FSTL4: variants seen among roughly 807,000 people sequenced by gnomAD.
FSTL4 encodes follistatin-related protein 4.
A neutral mutation model predicts 78.2 loss-of-function variants in FSTL4; 28 were observed. That is an observed-to-expected ratio of 0.36 (90% CI 0.27 to 0.49). FSTL4 has a LOEUF of 0.49. FSTL4 is among the 20% of genes least tolerant of loss of function. The probability of loss-of-function intolerance (pLI) is 0.98; values close to 1 mark genes in which losing one functional copy is unlikely to be tolerated. For synonymous variants in FSTL4, 422 were observed against 440.5 expected (o/e 0.96, Z 0.53); for missense variants, 922 against 1,084.9 (o/e 0.85, Z 2.11).
At chr5:133,239,243 C>G (rs1751758472) in intron 7 of FSTL4, among the ~76,000 whole-genome samples, 1 of 142,300 alleles carries the variant, frequency 7.0e-6, no homozygotes, top group African/African-American at 2.5e-5. Context: ...ACCCCCCTCC[C>G]TGCCAACGTG....
chr5:133,549,436 T>C (rs1196012990), intron 3 of FSTL4, among the ~76,000 whole-genome samples: 4 of 152,172 alleles, frequency 2.6e-5, no homozygotes, highest in Admixed American at 6.5e-5. Flanking sequence ...ATCAAGATAG[T>C]TTCTATAGGT....
intron 3 of FSTL4, among the ~76,000 whole-genome samples, chr5:133,515,440 A>T (rs1387658624): frequency 3.9e-5 from 6 of 152,074 alleles, no homozygotes; most frequent in African/African-American, 1.2e-4. Context: ...TTTAAAGGTA[A>T]CCTATGGGAG....
At chr5:133,568,261 C>T (rs1760073089) in intron 2 of FSTL4, among the ~76,000 whole-genome samples, 1 of 152,008 alleles carries the variant, frequency 6.6e-6, no homozygotes, top group South Asian at 2.1e-4. Context: ...GATAAAAAGC[C>T]TAAGGTTAAA....
chr5:133,210,982 A>G (rs1750691906), intron 13 of FSTL4: 1 of 152,218 alleles, frequency 6.6e-6, no homozygotes, highest in African/African-American at 2.4e-5. Context: ...TCTGTGGCCT[A>G]GATTCTGGTG....
intron 11 of FSTL4, among the ~76,000 whole-genome samples, chr5:133,221,925 T>TTTTTTTC (rs1751146626): frequency 7.1e-6 from 1 of 140,140 alleles, no homozygotes; most frequent in African/African-American, 2.7e-5. Flanking sequence ...TTTTTTTTTT[T>TTTTTTTC]TTAGCATGCT....
chr5:133,424,344 G>C (rs973597872), intron 3 of FSTL4, among the ~76,000 whole-genome samples: 2 of 152,282 alleles, frequency 1.3e-5, no homozygotes, highest in South Asian at 2.1e-4. Context: ...TCCTGGGACC[G>C]GCTGACAATT....
intron 2 of FSTL4, among the ~76,000 whole-genome samples, chr5:133,595,541 C>T (rs923516862): frequency 1.3e-5 from 2 of 152,222 alleles, no homozygotes; most frequent in African/African-American, 4.8e-5. Flanking sequence ...AGGACCCTCC[C>T]ACTCTGAGGG....
intron 3 of FSTL4, among the ~76,000 whole-genome samples, chr5:133,530,696 C>G (rs1759232964): frequency 6.6e-6 from 1 of 152,200 alleles, no homozygotes; most frequent in South Asian, 2.1e-4. Flanking sequence ...TTAGGTGGAC[C>G]TATGGCCAGG....
At chr5:133,665,514 CTCTG>C in the FSTL4 span, among the ~76,000 whole-genome samples, 1 of 152,166 alleles carries the variant, frequency 6.6e-6, no homozygotes, top group Non-Finnish European at 1.5e-5. Context: ...CCCGACATGC[CTCTG>C]CCACGGTGCT....
At chr5:133,821,656 G>A in the FSTL4 span, among the ~76,000 whole-genome samples, 1 of 152,176 alleles carries the variant, frequency 6.6e-6, no homozygotes, top group Non-Finnish European at 1.5e-5. Flanking sequence ...TGTGGGGACA[G>A]GGAAGAGGGC....
At chr5:133,224,982 C>T (rs536374850) in intron 10 of FSTL4, among the ~76,000 whole-genome samples, 168 bp downstream of exon 10, 1 of 152,314 alleles carries the variant, frequency 6.6e-6, no homozygotes, top group East Asian at 1.9e-4. Context: ...GCCTGCTCAC[C>T]TCTGGGTGCC....
chr5:133,719,631 C>G, the FSTL4 span, among the ~76,000 whole-genome samples: 1 of 148,082 alleles, frequency 6.8e-6, no homozygotes, highest in Non-Finnish European at 1.5e-5. Context: ...CAAGATCACG[C>G]CATTGCACTC....
chr5:133,423,455 A>G (rs1183858287), intron 3 of FSTL4, among the ~76,000 whole-genome samples: 1 of 152,196 alleles, frequency 6.6e-6, no homozygotes, highest in Non-Finnish European at 1.5e-5. Flanking sequence ...AGAGGCCCTC[A>G]GCCTCCCTCC....
At position 133,249,481 on chromosome 5, in the gene FSTL4, C is replaced by A. The variant is rs753008047; in HGVS notation, c.823G>T (p.Asp275Tyr). Reference sequence around the variant, plus strand: ...TTCCAGATGATTGGTGGCCTCAGGTCTCCATGGACGGCGCAGGTCAGCACT... The same window carrying A: ...TTCCAGATGATTGGTGGCCTCAGGTATCCATGGACGGCGCAGGTCAGCACT... ...STVLTCAVHG[D>Y]LRPPIIWKRN... is the part of the protein sequence containing the mutation. Residue 275 changes from aspartate (D) to tyrosine (Y), a missense_variant, in exon 7 of 16, where the codon GAC becomes TAC. Transcript: ENST00000265342. 1.9e-6 allele frequency: 3 copies of A among 1,613,758 alleles called. No homozygotes were observed. The highest frequency in any genetic ancestry group is 4.5e-5 in the East Asian group (2 of 44,876).
chr5:133,283,680 A>G lies in FSTL4; in HGVS notation c.727+28974T>C, dbSNP rs190940660. ...TTGCCAGGGGCAGTGGCTCATAGAAACCATTATGAGGAATTGGACAGTGGG... is the reference window on the plus strand; with the variant it reads ...TTGCCAGGGGCAGTGGCTCATAGAAGCCATTATGAGGAATTGGACAGTGGG... On this transcript the variant is annotated intron_variant, in intron 6 of 15. Transcript: ENST00000265342. Among the ~76,000 whole-genome samples, 317 of 152,238 alleles carry G rather than the reference A, an allele frequency of 2.1e-3. 2 individuals are homozygous for G. Among genetic ancestry groups the G allele is most frequent in the African/African-American group, 6.9e-3 (285 of 41,534 alleles).
At chr5:133,752,556 T>C in the FSTL4 span, among the ~76,000 whole-genome samples, 1 of 151,966 alleles carries the variant, frequency 6.6e-6, no homozygotes, top group African/African-American at 2.4e-5. Flanking sequence ...GTTGCAGTGA[T>C]CTAAGATTGC....
chr5:133,342,132 C>A (rs1431063867), intron 4 of FSTL4, among the ~76,000 whole-genome samples: 1 of 152,126 alleles, frequency 6.6e-6, no homozygotes, highest in Non-Finnish European at 1.5e-5. Flanking sequence ...GGAGAGCCTT[C>A]CTGTTGACAG....
chr5:133,212,976 A>G (rs1162445131), intron 13 of FSTL4, among the ~76,000 whole-genome samples: 2 of 151,040 alleles, frequency 1.3e-5, no homozygotes, highest in Non-Finnish European at 2.9e-5. Context: ...AATCGCTAAC[A>G]TAGAATTCTA....
intron 3 of FSTL4, among the ~76,000 whole-genome samples, chr5:133,529,027 C>T (rs1303171774): frequency 6.6e-6 from 1 of 152,126 alleles, no homozygotes; most frequent in African/African-American, 2.4e-5. Context: ...GCTCTTGCTC[C>T]GGCTGCCTGG....
Sources: allele counts gnomAD v4.1 joint callset (sites outside exome capture counted in the v4.1 genomes callset), GRCh38; gene constraint gnomAD v4.1.1; transcripts MANE v1.5; gene names NCBI Gene and HGNC (gene_info 2026-07-23, HGNC 2026-07-21).